The following CDC45 variants were observed in gnomAD, a reference collection of about 807,000 sequenced individuals.
The protein encoded by CDC45 is cell division control protein 45 homolog.
CDC45 carries 54 observed loss-of-function variants against 77.8 expected under a neutral mutation model. That is an observed-to-expected ratio of 0.69 (90% CI 0.56 to 0.87). The LOEUF (loss-of-function observed/expected upper bound fraction) is 0.87. Ranked by LOEUF, CDC45 falls within the 40% of genes least tolerant of loss-of-function variation. The pLI, the probability that CDC45 is intolerant of heterozygous loss-of-function variation, is 0.00. For synonymous variants in CDC45, 260 were observed against 272.1 expected (o/e 0.96, Z 0.44); for missense variants, 649 against 721.6 (o/e 0.90, Z 1.15).
chr22:19,515,584 G>T (rs1176358962), intron 15 of CDC45, among the ~76,000 whole-genome samples: 1 of 152,118 alleles, frequency 6.6e-6, no homozygotes. Flanking sequence ...TTATGCCGGG[G>T]GCTATTTCAA....
rs531065144 is a variant in CDC45 at position 19,507,944 on chromosome 22, T to C, written c.1055+80T>C. 4.8e-5 allele frequency: 47 copies of C among 983,482 alleles called. No homozygotes were observed. The Middle Eastern group carries it at 8.4e-4, about 18-fold the overall frequency. The allele number at this position is 983,482 out of a possible 1,614,324, so 60.9% of individuals were successfully genotyped here. A position where few individuals can be genotyped will look rare whatever the true frequency, so the allele number is the denominator to read the frequency against. On this transcript the variant is annotated intron_variant, in intron 12 of 18. Coordinates refer to ENST00000263201, the MANE Select transcript of CDC45 (RefSeq NM_003504.5). ...AAGGGTTCTACTTTAACTGTGCTCC[T>C]AAAATAATGCAAAAAAAACCAACGT... is the stretch of plus-strand genomic sequence containing the variant.
chr22:19,502,439 A>C (rs565659395), intron 9 of CDC45, among the ~76,000 whole-genome samples: 21 of 152,360 alleles, frequency 1.4e-4, no homozygotes, highest in African/African-American at 5.0e-4. Context: ...TTATAAGCCA[A>C]TTTGGTAGCA....
chr22:19,516,936 C>A lies in CDC45; in HGVS notation c.1636+43C>A. The stretch of plus-strand genomic sequence containing the variant: ...CTCTGCCACACTTTCCCACCTGACC[C>A]TTTGAGGCTATTGCAGGCCCTGGAA... On this transcript the variant is annotated intron_variant, in intron 17 of 18. Transcript: ENST00000263201. 3 of 1,546,614 alleles carry A rather than the reference C, an allele frequency of 1.9e-6. No homozygotes were observed. The South Asian group carries it at 3.3e-5, about 17-fold the overall frequency.
intron 5 of CDC45, among the ~76,000 whole-genome samples, chr22:19,487,801 A>C (rs1487479730): frequency 6.7e-6 from 1 of 149,436 alleles, no homozygotes; most frequent in East Asian, 2.0e-4. Flanking sequence ...AGTCCCAGCT[A>C]CTCAGAAGGC....
At chr22:19,515,720 C>A (rs898194057) in intron 15 of CDC45, among the ~76,000 whole-genome samples, 2 of 152,206 alleles carry the variant, frequency 1.3e-5, no homozygotes, top group Non-Finnish European at 2.9e-5. Context: ...AGAGCATGGG[C>A]CTTGACGTCC....
intron 9 of CDC45, among the ~76,000 whole-genome samples, chr22:19,499,458 G>A (rs940205553): frequency 3.9e-5 from 6 of 152,268 alleles, no homozygotes; most frequent in African/African-American, 1.2e-4. Flanking sequence ...GTGCTGAGGT[G>A]TGGCCCTTGC....
chr22:19,479,482 A>C, upstream of CDC45: 1 of 611,110 alleles, frequency 1.6e-6, no homozygotes, highest in Non-Finnish European at 3.1e-6. Flanking sequence ...CCTCTGCTTC[A>C]GCCATCGAGG....
At chr22:19,501,973 T>G (rs779394748) in intron 9 of CDC45, among the ~76,000 whole-genome samples, 2 of 152,182 alleles carry the variant, frequency 1.3e-5, no homozygotes, top group Non-Finnish European at 2.9e-5. Flanking sequence ...CTCCTCAGCT[T>G]CCCAAAGTGC....
chr22:19,502,420 C>T (rs1472918721), intron 9 of CDC45, among the ~76,000 whole-genome samples: 1 of 152,176 alleles, frequency 6.6e-6, no homozygotes, highest in African/African-American at 2.4e-5. Context: ...TTTATGAGCA[C>T]TCATTTATTT....
chr22:19,511,329 C>CTTTTTTT (rs374439054), intron 13 of CDC45, among the ~76,000 whole-genome samples: 4 of 126,336 alleles, frequency 3.2e-5, no homozygotes, highest in Admixed American at 8.1e-5. Flanking sequence ...AGTCCTTTGT[C>CTTTTTTT]TTTTTTTTTT....
intron 4 of CDC45, 94 bp downstream of exon 4, chr22:19,482,921 C>T (rs1032527958): frequency 1.1e-5 from 12 of 1,129,938 alleles, no homozygotes; most frequent in Non-Finnish European, 1.4e-5. Context: ...TGTCTGACTA[C>T]CCTGTGGGAC....
At chr22:19,481,915 G>T (rs1263067320) in intron 3 of CDC45, among the ~76,000 whole-genome samples, 1 of 151,892 alleles carries the variant, frequency 6.6e-6, no homozygotes, top group African/African-American at 2.4e-5. Flanking sequence ...CAAGTGATCC[G>T]CCTGCCTCAG....
chr22:19,481,702 C>T (rs111610851), intron 3 of CDC45, among the ~76,000 whole-genome samples: 42 of 152,130 alleles, frequency 2.8e-4, no homozygotes, highest in African/African-American at 1.0e-3. Context: ...GACGGAACCT[C>T]GCTTTGTCAC....
At chr22:19,506,915 CAG>C (rs1277920119) in intron 10 of CDC45, among the ~76,000 whole-genome samples, 2 of 149,866 alleles carry the variant, frequency 1.3e-5, no homozygotes, top group Admixed American at 6.7e-5. Context: ...GCCTGGGCGA[CAG>C]AGCGAGACTC....
At chr22:19,504,377 G>T (rs751907385) in intron 9 of CDC45, among the ~76,000 whole-genome samples, 1 of 152,126 alleles carries the variant, frequency 6.6e-6, no homozygotes, top group Non-Finnish European at 1.5e-5. Flanking sequence ...TCGGCTCATC[G>T]CAACCTCCGC....
At chr22:19,494,053 G>C (rs979379292) in intron 5 of CDC45, among the ~76,000 whole-genome samples, 2 of 152,178 alleles carry the variant, frequency 1.3e-5, no homozygotes, top group South Asian at 4.1e-4. Context: ...TAGGGTGGAT[G>C]AACACAGTTT....
At position 19,508,629 on chromosome 22, in the gene CDC45, G is replaced by A. The variant is rs1303418999; in HGVS notation, c.1155G>A (p.Glu385=). The change falls in exon 13 of 19, where the codon GAG becomes GAA. Residue 385 remains glutamate (E), a synonymous_variant. Coordinates refer to ENST00000263201, the MANE Select transcript of CDC45 (RefSeq NM_003504.5). ...TCTTTGCCACCATGTCTTTGATGGA[G>A]AGCCCCGAGAAGGATGGCTCAGGGA... ...DVVFATMSLM[E]SPEKDGSGTD... 6.2e-6 allele frequency: 10 copies of A among 1,614,092 alleles called. No individual in the cohort carries two copies. The highest frequency in any genetic ancestry group is 8.5e-6 in the Non-Finnish European group (10 of 1,180,040).
At chr22:19,495,720 G>T (rs1401930986) in intron 6 of CDC45, among the ~76,000 whole-genome samples, 1 of 152,092 alleles carries the variant, frequency 6.6e-6, no homozygotes, top group Non-Finnish European at 1.5e-5. Flanking sequence ...TACTTAGGAG[G>T]CTGAGTTAGG....
At chr22:19,502,954 G>A (rs1932957239) in intron 9 of CDC45, among the ~76,000 whole-genome samples, 1 of 151,858 alleles carries the variant, frequency 6.6e-6, no homozygotes, top group South Asian at 2.1e-4. Context: ...TGTCGGGGGT[G>A]GGAGGATTGC....
Sources: gnomAD v4.1 joint callset for allele counts (sites outside exome capture counted in the v4.1 genomes callset) on GRCh38, gnomAD v4.1.1 for gene constraint, MANE v1.5 for transcripts, NCBI Gene and HGNC (gene_info 2026-07-23, HGNC 2026-07-21) for gene names.